Variants in NOS1 observed in about 807,000 individuals in gnomAD.
NOS1 encodes NOS type I.
Under a neutral mutation model 164.5 loss-of-function variants are expected in NOS1, and 51 were observed. The observed-to-expected ratio is 0.31, with a 90% confidence interval of 0.25 to 0.39. The LOEUF (loss-of-function observed/expected upper bound fraction) is 0.39. Ranked by LOEUF, NOS1 falls within the 10% of genes least tolerant of loss-of-function variation. NOS1 has a pLI of 1.00. For missense variants in NOS1, 1,362 were observed against 1,885.6 expected (o/e 0.72, Z 5.14); for synonymous variants, 719 against 745.8 (o/e 0.96, Z 0.59).
At chr12:117,264,387 C>G (rs1038587519) in intron 12 of NOS1, among the ~76,000 whole-genome samples, 3 of 152,162 alleles carry the variant, frequency 2.0e-5, no homozygotes, top group Admixed American at 2.0e-4. Context: ...ATCCTCCTAA[C>G]TCAGCCTCCC....
At chr12:117,277,891 G>C (rs1459018608) in intron 9 of NOS1, 68 bp downstream of exon 9, 2 of 1,518,900 alleles carry the variant, frequency 1.3e-6, no homozygotes, top group East Asian at 4.7e-5. Context: ...AGGGGGGATG[G>C]GGCTGGGCAA....
At chr12:117,310,479 C>T (rs1203332965) in intron 3 of NOS1, among the ~76,000 whole-genome samples, 3 of 152,138 alleles carry the variant, frequency 2.0e-5, no homozygotes, top group Non-Finnish European at 2.9e-5. Context: ...TGTGCTCTTA[C>T]TTGTGTAAAA....
chr12:117,345,176 C>T (rs148480770), intron 1 of NOS1, among the ~76,000 whole-genome samples: 14 of 151,986 alleles, frequency 9.2e-5, no homozygotes, highest in Admixed American at 2.6e-4. Flanking sequence ...GGACTATAGA[C>T]GCCTGCCAGC....
chr12:117,265,939 C>T (rs1266072606), intron 11 of NOS1, among the ~76,000 whole-genome samples: 16 of 147,438 alleles, frequency 1.1e-4, no homozygotes, highest in South Asian at 4.5e-4. Context: ...TACAGGCGCC[C>T]GCCACCACGC....
chr12:117,279,841 T>C (rs1592982263), intron 8 of NOS1, among the ~76,000 whole-genome samples: 1 of 152,214 alleles, frequency 6.6e-6, no homozygotes, highest in Non-Finnish European at 1.5e-5. Context: ...CCCCTCCTCA[T>C]GAGAATAACA....
chr12:117,273,369 C>T (rs1257037269), intron 9 of NOS1, among the ~76,000 whole-genome samples: 6 of 152,022 alleles, frequency 3.9e-5, no homozygotes, highest in Admixed American at 3.9e-4. Flanking sequence ...TGGGTGAGTT[C>T]CCAGATATCA....
intron 1 of NOS1, among the ~76,000 whole-genome samples, chr12:117,342,973 A>G (rs538455234): frequency 6.6e-6 from 1 of 152,290 alleles, no homozygotes; most frequent in South Asian, 2.1e-4. Flanking sequence ...GTGACCTCCC[A>G]GCTCCTGGCT....
At chr12:117,347,025 A>T (rs1220373005) in intron 1 of NOS1, among the ~76,000 whole-genome samples, 1 of 151,984 alleles carries the variant, frequency 6.6e-6, no homozygotes, top group Non-Finnish European at 1.5e-5. Flanking sequence ...GGTGGCTCAC[A>T]CCTGTAATCC....
chr12:117,286,556 C>T (rs1874134210), intron 5 of NOS1, among the ~76,000 whole-genome samples: 1 of 152,114 alleles, frequency 6.6e-6, no homozygotes, highest in East Asian at 1.9e-4. Context: ...TGTCAGTTGT[C>T]ACCTGACAGG....
At chr12:117,357,552 T>C (rs1006369633) in intron 1 of NOS1, among the ~76,000 whole-genome samples, 10 of 152,210 alleles carry the variant, frequency 6.6e-5, no homozygotes, top group Non-Finnish European at 1.5e-4. Context: ...GCTGTGTGAC[T>C]TTCATCGAGT....
chr12:117,260,946 T>C (rs537026670), intron 13 of NOS1, among the ~76,000 whole-genome samples: 4 of 151,848 alleles, frequency 2.6e-5, no homozygotes, highest in Admixed American at 1.3e-4. Context: ...GGCAGGTGGA[T>C]TGCCTGAGCT....
At chr12:117,219,957 G>A (rs982298242) in intron 27 of NOS1, 118 bp downstream of exon 27, 8 of 976,000 alleles carry the variant, frequency 8.2e-6, no homozygotes, top group South Asian at 3.2e-5. Context: ...TAAGTGCAAC[G>A]AATGGGAGCA....
intron 25 of NOS1, among the ~76,000 whole-genome samples, chr12:117,223,943 C>T (rs9658517): frequency 0.092 from 14,039 of 152,268 alleles, 1,069 homozygotes; most frequent in Admixed American, 0.28. Flanking sequence ...CGTGAGCCAC[C>T]GCACCCAGCC....
intron 3 of NOS1, among the ~76,000 whole-genome samples, chr12:117,293,714 GTAT>G (rs900445146): frequency 2.6e-5 from 4 of 151,126 alleles, no homozygotes; most frequent in Admixed American, 6.6e-5. Flanking sequence ...ATTATTACTT[GTAT>G]TATTATTACT....
At chr12:117,232,226 G>C (rs1869300533) in intron 21 of NOS1, 95 bp from the exon 22 acceptor site, 1 of 1,161,104 alleles carries the variant, frequency 8.6e-7, no homozygotes, top group Non-Finnish European at 1.2e-6. Flanking sequence ...GATGGGGCCA[G>C]GAGAGGAGGG....
At position 117,209,866 on chromosome 12, in the gene NOS1, A is replaced by G. The variant is rs983544438; in HGVS notation, c.*5443T>C. The G allele has an allele frequency of 1.0e-6, 1 of 985,382 alleles. No homozygotes were observed. Among genetic ancestry groups the G allele is most frequent in the African/African-American group, 1.7e-5 (1 of 57,256 alleles). The allele number at this position is 985,382 out of a possible 1,614,324, so 61.0% of individuals were successfully genotyped here. A position where few individuals can be genotyped will look rare whatever the true frequency, so the allele number is the denominator to read the frequency against. On this transcript the variant is annotated 3_prime_UTR_variant, in exon 29 of 29. Coordinates refer to ENST00000317775, the MANE Select transcript of NOS1 (RefSeq NM_000620.5). ...AGAGGCCAGGCCAGGTTGGCCTCCA[A>G]AGTCAAATCCCTGTTCATGGGGAAC...
chr12:117,258,440 A>G lies in NOS1; in HGVS notation c.2488T>C (p.Leu830=), dbSNP rs1284451076. 2.9e-5 allele frequency: 47 copies of G among 1,614,018 alleles called. No homozygotes were observed. The highest frequency in any genetic ancestry group is 3.9e-5 in the Non-Finnish European group (46 of 1,180,014). Residue 830 remains leucine, a synonymous_variant, in exon 16 of 29, where the codon TTG becomes CTG. Coordinates refer to ENST00000317775, the MANE Select transcript of NOS1 (RefSeq NM_000620.5). ...GAGTTGGGGTGCCTCATTTCCATCA[A>G]AGCACAGCCGAATTTCTGGAAGCCA... The part of the protein sequence containing the change: ...PENGEKFGCA[L]MEMRHPNSVQ...
chr12:117,275,948 G>C (rs1873143230), intron 9 of NOS1, among the ~76,000 whole-genome samples: 1 of 152,084 alleles, frequency 6.6e-6, no homozygotes, highest in Admixed American at 6.6e-5. Flanking sequence ...AATGCTGTTT[G>C]TGTTGCTGGC....
chr12:117,308,556 A>C (rs76021489), intron 3 of NOS1, among the ~76,000 whole-genome samples: 8 of 144,180 alleles, frequency 5.5e-5, no homozygotes, highest in African/African-American at 2.2e-4. Context: ...ACAAACAAAC[A>C]AAAAAAAAAC....
Sources: allele counts gnomAD v4.1 joint callset (sites outside exome capture counted in the v4.1 genomes callset), GRCh38; gene constraint gnomAD v4.1.1; transcripts MANE v1.5; gene names NCBI Gene and HGNC (gene_info 2026-07-23, HGNC 2026-07-21).